The following CDK17 variants were observed in gnomAD, a reference collection of about 807,000 sequenced individuals.
CDK17 encodes cyclin dependent kinase 17.
CDK17 carries 24 observed loss-of-function variants against 77.6 expected under a neutral mutation model. The observed-to-expected ratio is 0.31, with a 90% CI of 0.22 to 0.44. CDK17 has a LOEUF of 0.44. Ranked by LOEUF, CDK17 falls within the 20% of genes least tolerant of loss-of-function variation. The pLI is 1.00. For synonymous variants in CDK17, 203 were observed against 210.4 expected, an observed-to-expected ratio of 0.96 and a Z score of 0.30; for missense variants, 429 against 622.5, an observed-to-expected ratio of 0.69 and a Z score of 3.31.
intron 2 of CDK17, among the ~76,000 whole-genome samples, chr12:96,329,436 T>G (rs977593129): frequency 2.6e-5 from 4 of 152,182 alleles, no homozygotes; most frequent in African/African-American, 4.8e-5. Flanking sequence ...ATGATTCCAC[T>G]AAGAAACGTT....
chr12:96,307,171 T>C (rs1952586495), intron 5 of CDK17, among the ~76,000 whole-genome samples: 1 of 152,100 alleles, frequency 6.6e-6, no homozygotes, highest in Admixed American at 6.5e-5. Flanking sequence ...GGCGCATGCC[T>C]GTAATCCCAG....
intron 1 of CDK17, among the ~76,000 whole-genome samples, chr12:96,338,269 G>T (rs1446404035): frequency 6.6e-6 from 1 of 152,186 alleles, no homozygotes; most frequent in Non-Finnish European, 1.5e-5. Flanking sequence ...GCAAATGAAA[G>T]CTCACATCTG....
At chr12:96,318,061 A>G (rs1323672286) in intron 3 of CDK17, among the ~76,000 whole-genome samples, 7 of 152,138 alleles carry the variant, frequency 4.6e-5, no homozygotes, top group Admixed American at 2.6e-4. Context: ...CCCATCTCAC[A>G]TGCAGACACA....
chr12:96,376,845 A>G (rs1250363067), intron 1 of CDK17, among the ~76,000 whole-genome samples: 1 of 152,224 alleles, frequency 6.6e-6, no homozygotes, highest in Non-Finnish European at 1.5e-5. Context: ...GGAATCCTAT[A>G]AGAAACAGGA....
intron 1 of CDK17, among the ~76,000 whole-genome samples, chr12:96,342,188 A>T (rs957256764): frequency 6.6e-6 from 1 of 152,210 alleles, no homozygotes; most frequent in African/African-American, 2.4e-5. Context: ...AGCAACGATG[A>T]CTATAAATAA....
chr12:96,282,426 A>G, intron 15 of CDK17, 83 bp downstream of exon 15: 1 of 832,136 alleles, frequency 1.2e-6, no homozygotes, highest in Admixed American at 2.1e-5. Context: ...TTAAAAATCA[A>G]TAGCCATCTC....
intron 7 of CDK17, 77 bp from the exon 8 acceptor site, chr12:96,297,798 T>G: frequency 1.3e-6 from 1 of 767,084 alleles, no homozygotes; most frequent in Non-Finnish European, 2.2e-6. Flanking sequence ...ACATACGAAC[T>G]GATTAAAAGA....
chr12:96,339,478 T>C (rs1953092526), intron 1 of CDK17, among the ~76,000 whole-genome samples: 1 of 151,786 alleles, frequency 6.6e-6, no homozygotes, highest in Non-Finnish European at 1.5e-5. Context: ...CAATATGAAA[T>C]AAATACCACT....
chr12:96,372,015 G>C (rs1023601208), intron 1 of CDK17, among the ~76,000 whole-genome samples: 1 of 151,744 alleles, frequency 6.6e-6, no homozygotes, highest in Non-Finnish European at 1.5e-5. Flanking sequence ...GTGTGTTTGT[G>C]TGTGTGTGTG....
rs184212425 is a variant in CDK17 at position 96,326,590 on chromosome 12, T to C, written c.119-2478A>G. On this transcript the variant is annotated intron_variant, in intron 2 of 16. Coordinates refer to ENST00000261211, the MANE Select transcript of CDK17 (RefSeq NM_002595.5). ...TGTTAGAACAGTGGTCCTCAAACTTTAACATGCTTCAGAATCATCAAGGAT... is the reference window on the plus strand; with the variant it reads ...TGTTAGAACAGTGGTCCTCAAACTTCAACATGCTTCAGAATCATCAAGGAT... Among the ~76,000 whole-genome samples, 3 of 152,342 alleles carry C rather than the reference T, an allele frequency of 2.0e-5. No homozygotes were observed. The East Asian group carries it at 5.8e-4, about 29-fold the overall frequency.
chr12:96,340,836 TATC>T (rs1346341228), intron 1 of CDK17, among the ~76,000 whole-genome samples: 1 of 152,210 alleles, frequency 6.6e-6, no homozygotes, highest in African/African-American at 2.4e-5. Context: ...ATCTTTACAC[TATC>T]ATTTCTTTTT....
At chr12:96,397,753 G>A (rs1183845902) in intron 1 of CDK17, among the ~76,000 whole-genome samples, 2 of 151,646 alleles carry the variant, frequency 1.3e-5, no homozygotes, top group Non-Finnish European at 2.9e-5. Flanking sequence ...TAAATATGCA[G>A]GAAAAAAAAT....
Position 96,313,437 on chromosome 12 carries a change from G to A in CDK17, c.301C>T (p.Leu101=), listed in dbSNP as rs141232193. 2.6e-6 allele frequency: 4 copies of A among 1,561,310 alleles called. No homozygotes were observed. Among genetic ancestry groups the A allele is most frequent in the Admixed American group, 3.9e-5 (2 of 51,882 alleles). Residue 101 remains leucine, a synonymous_variant, in exon 4 of 17, where the codon CTA becomes TTA. Coordinates refer to ENST00000261211, the MANE Select transcript of CDK17 (RefSeq NM_002595.5). The part of the protein sequence containing the change: ...GSRLDIVHEN[L]KMGSDGESDQ... ...CTCTCACCATCTGATCCCATTTTTA[G>A]ATTTTCATGAACAATATCTATATCA...
At chr12:96,308,681 T>C (rs1321702805) in intron 5 of CDK17, among the ~76,000 whole-genome samples, 4 of 149,784 alleles carry the variant, frequency 2.7e-5, no homozygotes, top group Admixed American at 1.3e-4. Context: ...TGAGCCAAAA[T>C]TGCACCACTA....
chr12:96,363,701 T>G (rs1257293140), intron 1 of CDK17, among the ~76,000 whole-genome samples: 1 of 151,846 alleles, frequency 6.6e-6, no homozygotes, highest in East Asian at 1.9e-4. Context: ...ATACAAAAAA[T>G]TAGCTGGGTA....
intron 1 of CDK17, chr12:96,386,992 G>A: frequency 3.3e-6 from 1 of 306,754 alleles, no homozygotes; most frequent in Non-Finnish European, 6.6e-6. Context: ...AAACTGTCTG[G>A]TAGAGTAAAA....
At chr12:96,373,928 G>A (rs1387417343) in intron 1 of CDK17, among the ~76,000 whole-genome samples, 1 of 151,966 alleles carries the variant, frequency 6.6e-6, no homozygotes, top group Non-Finnish European at 1.5e-5. Context: ...CACCCTGGGC[G>A]ACAGAGCAAG....
chr12:96,326,083 AT>A (rs1218423905), intron 2 of CDK17, among the ~76,000 whole-genome samples: 1 of 152,238 alleles, frequency 6.6e-6, no homozygotes, highest in African/African-American at 2.4e-5. Flanking sequence ...CACATGTGAA[AT>A]ATCACAACAT....
At chr12:96,342,703 G>A (rs934193209) in intron 1 of CDK17, among the ~76,000 whole-genome samples, 46 of 152,242 alleles carry the variant, frequency 3.0e-4, no homozygotes, top group African/African-American at 8.9e-4. Context: ...GGTGGCTCAC[G>A]ACTGTAATCT....
Sources: gnomAD v4.1 joint callset for allele counts (sites outside exome capture counted in the v4.1 genomes callset) on GRCh38, gnomAD v4.1.1 for gene constraint, MANE v1.5 for transcripts, NCBI Gene and HGNC (gene_info 2026-07-23, HGNC 2026-07-21) for gene names.